CEP112: variants seen among roughly 807,000 people sequenced by gnomAD.
CEP112 encodes centrosomal protein of 112 kDa.
In CEP112, 127 loss-of-function variants were observed where a neutral mutation model predicts 153.0. The ratio of observed to expected loss-of-function variants is 0.83; its 90% CI spans 0.72 to 0.96. CEP112 has a LOEUF of 0.96. CEP112 is among the 40% of genes least tolerant of loss of function. The probability of loss-of-function intolerance (pLI) is 0.00; values close to 1 mark genes in which losing one functional copy is unlikely to be tolerated. For missense variants in CEP112, 1,089 were observed against 1,101.2 expected, an observed-to-expected ratio of 0.99 and a Z score of 0.16; for synonymous variants, 358 against 374.4, an observed-to-expected ratio of 0.96 and a Z score of 0.51.
At chr17:65,810,199 TAAAC>T (rs1366965149) in intron 21 of CEP112, among the ~76,000 whole-genome samples, 1 of 152,170 alleles carries the variant, frequency 6.6e-6, no homozygotes, top group South Asian at 2.1e-4. Flanking sequence ...GTTACAAAGA[TAAAC>T]AAAGACGTGG....
intron 23 of CEP112, among the ~76,000 whole-genome samples, chr17:65,719,140 G>A (rs1182862385): frequency 6.6e-6 from 1 of 152,252 alleles, no homozygotes; most frequent in African/African-American, 2.4e-5. Flanking sequence ...ACTTGACAGT[G>A]AACACTAGGC....
chr17:65,929,304 C>T (rs1009936573), intron 18 of CEP112, among the ~76,000 whole-genome samples: 3 of 152,174 alleles, frequency 2.0e-5, no homozygotes, highest in African/African-American at 7.2e-5. Flanking sequence ...ATCCCAGTGA[C>T]CTCTCACAGC....
chr17:65,727,467 G>A (rs1001036480), intron 23 of CEP112, among the ~76,000 whole-genome samples: 4 of 152,184 alleles, frequency 2.6e-5, no homozygotes, highest in Non-Finnish European at 5.9e-5. Context: ...CGGCTGAGAG[G>A]AGGCTGTTTT....
rs28440843 is a variant in CEP112, at chr17:66,186,199, C to T, written c.-8-2892G>A. ...AAAATCCCTCATGAGGCTCAACGCT[C>T]CAACCATCTGACTACCATGTACTCC... On this transcript the variant is annotated intron_variant, in intron 1 of 26. Transcript: ENST00000535342. 2.7e-3 allele frequency among the ~76,000 whole-genome samples: 407 copies of T among 152,274 alleles called. 5 individuals are homozygous for T. The highest frequency in any genetic ancestry group is 9.2e-3 in the African/African-American group (383 of 41,534).
rs1202807784 is a variant in CEP112, at chr17:66,065,104, TC to T, written c.955+1673del. Among the ~76,000 whole-genome samples the T allele has an allele frequency of 1.4e-4, 22 of 152,316 alleles. No individual in the cohort carries two copies. In the South Asian group the frequency reaches 4.4e-3, roughly 30 times the overall value. ...TCTCTTATTCATTGCCTAGATCTTC[TC>T]ATTCACTAAATCATGATTCACTCTT... On this transcript the variant is annotated intron_variant, in intron 10 of 26. Transcript: ENST00000535342.
intron 20 of CEP112, among the ~76,000 whole-genome samples, chr17:65,897,629 T>C (rs1469000238): frequency 6.6e-6 from 1 of 152,128 alleles, no homozygotes; most frequent in South Asian, 2.1e-4. Flanking sequence ...TGACTTAAAA[T>C]ATACTTTCTT....
intron 8 of CEP112, among the ~76,000 whole-genome samples, chr17:66,095,003 T>A (rs2068281951): frequency 6.6e-6 from 1 of 152,058 alleles, no homozygotes; most frequent in South Asian, 2.1e-4. Flanking sequence ...AAGATCAGTA[T>A]TGGAGGGGAT....
chr17:65,729,632 C>G (rs552669775), intron 23 of CEP112, among the ~76,000 whole-genome samples: 2 of 152,106 alleles, frequency 1.3e-5, no homozygotes, highest in Non-Finnish European at 2.9e-5. Flanking sequence ...AATTAAAAAA[C>G]TAAAATTATC....
At chr17:65,961,312 C>T (rs1369257737) in intron 18 of CEP112, 151 bp downstream of exon 18, 29 of 694,758 alleles carry the variant, frequency 4.2e-5, no homozygotes. Context: ...GGTAACATCT[C>T]TTTCTCATTC....
At chr17:66,115,113 G>A (rs1451810059) in intron 6 of CEP112, among the ~76,000 whole-genome samples, 1 of 152,042 alleles carries the variant, frequency 6.6e-6, no homozygotes, top group Non-Finnish European at 1.5e-5. Flanking sequence ...GCTGAAGCAG[G>A]AGAATCACTT....
At chr17:65,848,922 G>A (rs2057822811) in intron 21 of CEP112, among the ~76,000 whole-genome samples, 1 of 152,082 alleles carries the variant, frequency 6.6e-6, no homozygotes, top group Non-Finnish European at 1.5e-5. Flanking sequence ...CCTCCTGCCT[G>A]GATTAATCCA....
intron 4 of CEP112, among the ~76,000 whole-genome samples, chr17:66,135,098 A>T (rs1298366340): frequency 1.3e-5 from 2 of 152,180 alleles, no homozygotes; most frequent in Non-Finnish European, 2.9e-5. Context: ...GAATAGCCCT[A>T]CTTCCAATTC....
At chr17:66,139,063 A>C (rs528837815) in intron 4 of CEP112, among the ~76,000 whole-genome samples, 1 of 152,206 alleles carries the variant, frequency 6.6e-6, no homozygotes, top group African/African-American at 2.4e-5. Context: ...GCACACCTTA[A>C]GGAACTAAAA....
intron 21 of CEP112, among the ~76,000 whole-genome samples, chr17:65,774,691 G>A (rs2053576015): frequency 6.6e-6 from 1 of 152,184 alleles, no homozygotes; most frequent in Admixed American, 6.5e-5. Flanking sequence ...CCCATGGCAT[G>A]ATAGAGCCAC....
At chr17:65,684,551 C>T (rs970813922) in intron 24 of CEP112, among the ~76,000 whole-genome samples, 1 of 152,122 alleles carries the variant, frequency 6.6e-6, no homozygotes, top group South Asian at 2.1e-4. Flanking sequence ...TTATTTTCTT[C>T]CTTTTCTTTT....
intron 11 of CEP112, among the ~76,000 whole-genome samples, chr17:66,060,267 C>T (rs2066873043): frequency 2.0e-5 from 3 of 152,082 alleles, no homozygotes; most frequent in Non-Finnish European, 4.4e-5. Flanking sequence ...TGCACATCTA[C>T]CCTCTGAATC....
chr17:65,681,853 T>G (rs1426032325), intron 24 of CEP112, among the ~76,000 whole-genome samples: 7 of 150,620 alleles, frequency 4.6e-5, no homozygotes, highest in East Asian at 3.9e-4. Context: ...TTTTTGCAAT[T>G]TTTTTTTTAA....
At chr17:65,951,748 C>CA (rs1210055404) in intron 18 of CEP112, among the ~76,000 whole-genome samples, 1 of 118,908 alleles carries the variant, frequency 8.4e-6, no homozygotes, top group East Asian at 5.8e-4. Context: ...CCCCCGCCCC[C>CA]CCCTTTCTTC....
intron 17 of CEP112, among the ~76,000 whole-genome samples, chr17:66,001,633 TA>T (rs1199976986): frequency 6.6e-6 from 1 of 152,200 alleles, no homozygotes; most frequent in African/African-American, 2.4e-5. Context: ...TTGAATACTT[TA>T]AAATAGACTA....
Sources: gnomAD v4.1 joint callset for allele counts (sites outside exome capture counted in the v4.1 genomes callset) on GRCh38, gnomAD v4.1.1 for gene constraint, MANE v1.5 for transcripts, NCBI Gene and HGNC (gene_info 2026-07-23, HGNC 2026-07-21) for gene names.